TMX4: variants seen among roughly 807,000 people sequenced by gnomAD.
TMX4 encodes thioredoxin-related transmembrane protein 4.
TMX4 carries 23 observed loss-of-function variants against 33.3 expected under a neutral mutation model. The observed-to-expected ratio is 0.69, with a 90% confidence interval of 0.50 to 0.98. The LOEUF is 0.98. Among genes scored for constraint, TMX4 ranks in the 50% least tolerant of loss-of-function variants. The pLI, the probability that TMX4 is intolerant of heterozygous loss-of-function variation, is 0.00. For missense variants in TMX4, 399 were observed against 448.9 expected, an observed-to-expected ratio of 0.89 and a Z score of 1.01; for synonymous variants, 164 against 161.5, an observed-to-expected ratio of 1.02 and a Z score of -0.12.
In TMX4 at chr20:8,006,851, C is replaced by T. The variant is rs185323622; in HGVS notation, c.292+3349G>A. On this transcript the variant is annotated intron_variant, in intron 2 of 7. Coordinates refer to ENST00000246024, the MANE Select transcript of TMX4 (RefSeq NM_021156.4). ...TCGGCTCACTGCAACCTCTGCCTCC[C>T]GGGTTCAAGCGATTCTCCATTCTCC... Among the ~76,000 whole-genome samples the T allele has an allele frequency of 1.0e-3, 156 of 151,892 alleles. 1 individual carries two copies. Among genetic ancestry groups the T allele is most frequent in the Non-Finnish European group, 1.8e-3 (119 of 67,936 alleles).
chr20:7,995,620 T>C (rs1043991429), intron 5 of TMX4, among the ~76,000 whole-genome samples: 1 of 152,190 alleles, frequency 6.6e-6, no homozygotes, highest in Non-Finnish European at 1.5e-5. Flanking sequence ...AGTAAAATTT[T>C]ATTTACAAAA....
intron 4 of TMX4, among the ~76,000 whole-genome samples, chr20:7,997,376 C>T (rs997569593): frequency 3.3e-5 from 5 of 152,056 alleles, no homozygotes; most frequent in African/African-American, 9.7e-5. Flanking sequence ...CTTCAAATAG[C>T]CTAATCAATC....
In TMX4 at chr20:7,987,324, G is replaced by A. The variant is rs1244448181; in HGVS notation, c.579C>T (p.Val193=). ...AAAGGCCAAAAACCAAGGTGGCTAT[G>A]ACGAAAAAGACATAAGAACACCAAG... is the stretch of plus-strand genomic sequence containing the variant. The part of the protein sequence containing the change: ...IPAWCSYVFF[V]IATLVFGLFM... The change falls in exon 6 of 8, where the codon GTC becomes GTT. Residue 193 remains valine (V), a synonymous_variant. Coordinates refer to ENST00000246024, the MANE Select transcript of TMX4 (RefSeq NM_021156.4). The A allele has an allele frequency of 6.3e-7, 1 of 1,597,538 alleles. No individual in the cohort carries two copies. Among genetic ancestry groups the A allele is most frequent in the Non-Finnish European group, 8.5e-7 (1 of 1,175,526 alleles).
At chr20:8,017,077 A>T (rs2050778631) in intron 1 of TMX4, among the ~76,000 whole-genome samples, 1 of 152,162 alleles carries the variant, frequency 6.6e-6, no homozygotes, top group Admixed American at 6.5e-5. Flanking sequence ...GATATAATGA[A>T]TTTTATATTT....
In TMX4 at chr20:8,019,655, A is replaced by T. The variant is rs1465848348; in HGVS notation, c.-42T>A. The stretch of plus-strand genomic sequence containing the variant: ...GGCTTCTCGGCGGGGAGTGTGGGGA[A>T]GGGCAGCGGCCGGCCCGCAGCCTCG... On this transcript the variant is annotated 5_prime_UTR_variant, in exon 1 of 8. Transcript: ENST00000246024. 4.2e-5 allele frequency: 54 copies of T among 1,297,606 alleles called. No homozygotes were observed. The highest frequency in any genetic ancestry group is 5.2e-5 in the Non-Finnish European group (53 of 1,022,450). 80.4% of individuals were successfully genotyped at this position (1,297,606 alleles called of 1,614,324 possible).
At chr20:8,010,687 C>G (rs771125028) in intron 1 of TMX4, among the ~76,000 whole-genome samples, 4 of 152,110 alleles carry the variant, frequency 2.6e-5, no homozygotes, top group African/African-American at 4.8e-5. Flanking sequence ...CAGGGTGACC[C>G]TAAACTAGCC....
At chr20:7,997,239 A>G (rs990416341) in intron 4 of TMX4, among the ~76,000 whole-genome samples, 2 of 151,590 alleles carry the variant, frequency 1.3e-5, no homozygotes, top group Non-Finnish European at 2.9e-5. Context: ...TCACCTCAAC[A>G]TTGTCTGTAG....
At position 7,980,400 on chromosome 20, in the gene TMX4, C is replaced by G. The variant is rs1334943244; in HGVS notation, c.*1851G>C. The G allele has an allele frequency of 1.3e-5, 2 of 152,138 alleles. No homozygotes were observed. Among genetic ancestry groups the G allele is most frequent in the Admixed American group, 1.3e-4 (2 of 15,274 alleles). The allele number at this position is 152,138 out of a possible 1,614,324, so 9.4% of individuals were successfully genotyped here. The stretch of plus-strand genomic sequence containing the variant: ...TCCAGTGACACGAGGGCAGGCAGGC[C>G]CCGCTCTGCTCTGATCGAGAAAAGC... On this transcript the variant is annotated 3_prime_UTR_variant, in exon 8 of 8. Transcript: ENST00000246024.
At chr20:8,007,014 G>A (rs889979311) in intron 2 of TMX4, among the ~76,000 whole-genome samples, 1 of 152,042 alleles carries the variant, frequency 6.6e-6, no homozygotes, top group Non-Finnish European at 1.5e-5. Context: ...TGATCCGCTC[G>A]CCTCGGCCTC....
At chr20:8,008,923 G>A (rs905285548) in intron 2 of TMX4, among the ~76,000 whole-genome samples, 1 of 152,178 alleles carries the variant, frequency 6.6e-6, no homozygotes, top group East Asian at 1.9e-4. Context: ...CTCGCTCCAC[G>A]GGTTTGCTGA....
intron 2 of TMX4, among the ~76,000 whole-genome samples, chr20:8,002,419 T>A (rs2050711413): frequency 6.6e-6 from 1 of 152,076 alleles, no homozygotes; most frequent in Non-Finnish European, 1.5e-5. Flanking sequence ...AAAGGGTAGG[T>A]ATGCAAAAAA....
At chr20:8,004,872 T>C (rs2050722010) in intron 2 of TMX4, among the ~76,000 whole-genome samples, 1 of 152,158 alleles carries the variant, frequency 6.6e-6, no homozygotes, top group African/African-American at 2.4e-5. Flanking sequence ...CTTCACAGGG[T>C]TGTTATGAAG....
chr20:7,985,279 T>A lies in TMX4; in HGVS notation c.616-1422A>T, dbSNP rs200391107. Among the ~76,000 whole-genome samples the A allele has an allele frequency of 2.5e-3, 307 of 123,676 alleles. 1 individual carries two copies. The highest frequency in any genetic ancestry group is 8.2e-3 in the Middle Eastern group (2 of 244). The allele number at this position is 123,676 out of a possible 152,430, so 81.1% of individuals were successfully genotyped here. On this transcript the variant is annotated intron_variant, in intron 6 of 7. Transcript: ENST00000246024. ...TGTGTATATATATATATATATATAT[T>A]TTTTTTTTTTTTGAGACAGGGTCTA...
intron 6 of TMX4, among the ~76,000 whole-genome samples, 196 bp downstream of exon 6, chr20:7,987,092 G>A (rs2050634111): frequency 6.6e-6 from 1 of 151,130 alleles, no homozygotes; most frequent in South Asian, 2.1e-4. Context: ...TAGGATTAGG[G>A]GATAAGAATT....
chr20:8,015,354 T>A (rs2050770409), intron 1 of TMX4, among the ~76,000 whole-genome samples: 1 of 152,220 alleles, frequency 6.6e-6, no homozygotes, highest in South Asian at 2.1e-4. Flanking sequence ...CTGAGACTAC[T>A]ACTAGAATAT....
Position 7,982,542 on chromosome 20 carries a change from T to A in TMX4, c.759A>T (p.Glu253Asp). Residue 253 changes from glutamate (E) to aspartate (D), a missense_variant, in exon 8 of 8, where the codon GAA (glutamate) becomes GAT (aspartate). Coordinates refer to ENST00000246024, the MANE Select transcript of TMX4 (RefSeq NM_021156.4). ...CTACAAGGCTGTCTTTGTTTTCTTC[T>A]TCATTTGAATCATCTTTTTCCTCCT... ...DAEEEKDDSN[E>D]EENKDSLVDD... 3 of 1,613,980 alleles carry A rather than the reference T, an allele frequency of 1.9e-6. No individual in the cohort carries two copies. Among genetic ancestry groups the A allele is most frequent in the Non-Finnish European group, 2.5e-6 (3 of 1,179,930 alleles).
Position 7,991,062 on chromosome 20 carries a change from T to C in TMX4, c.514-3673A>G, listed in dbSNP as rs149753931. ...AGTTTTAAAATACACTTTGTTCTTC[T>C]CTAGTCTAAATGTTCATGGCTTTTA... is the stretch of plus-strand genomic sequence containing the variant. On this transcript the variant is annotated intron_variant, in intron 5 of 7. Coordinates refer to ENST00000246024, the MANE Select transcript of TMX4 (RefSeq NM_021156.4). 8.5e-5 allele frequency among the ~76,000 whole-genome samples: 13 copies of C among 152,352 alleles called. No individual in the cohort carries two copies. The East Asian group carries it at 2.1e-3, about 25-fold the overall frequency.
At chr20:8,018,342 A>T (rs1392398764) in intron 1 of TMX4, among the ~76,000 whole-genome samples, 1 of 74,130 alleles carries the variant, frequency 1.3e-5, no homozygotes, top group Non-Finnish European at 2.4e-5. Flanking sequence ...AGAGAGAGAG[A>T]GAGGAGGGAG....
chr20:8,008,974 G>A (rs1009848522), intron 2 of TMX4, among the ~76,000 whole-genome samples: 2 of 152,108 alleles, frequency 1.3e-5, no homozygotes, highest in Non-Finnish European at 2.9e-5. Context: ...TGTTATCCAA[G>A]TAACTGGTAC....
Sources: gnomAD v4.1 joint callset for allele counts (sites outside exome capture counted in the v4.1 genomes callset) on GRCh38, gnomAD v4.1.1 for gene constraint, MANE v1.5 for transcripts, NCBI Gene and HGNC (gene_info 2026-07-23, HGNC 2026-07-21) for gene names.